Variants in CRYBG1 observed in about 807,000 individuals in gnomAD.
The protein encoded by CRYBG1 is crystallin beta-gamma domain containing 1.
CRYBG1 carries 139 observed loss-of-function variants against 189.2 expected under a neutral mutation model. The observed-to-expected ratio is 0.73, with a 90% CI of 0.64 to 0.85. The LOEUF (loss-of-function observed/expected upper bound fraction) is 0.85, where lower values mean the gene tolerates loss of function less well. Ranked by LOEUF, CRYBG1 falls within the 40% of genes least tolerant of loss-of-function variation. CRYBG1 has a pLI of 0.00. For missense variants in CRYBG1, 2,611 were observed against 2,675.8 expected, an observed-to-expected ratio of 0.98 and a Z score of 0.53; for synonymous variants, 1,023 against 1,017.1, an observed-to-expected ratio of 1.01 and a Z score of -0.11.
chr6:106,511,900 T>A lies in CRYBG1; in HGVS notation c.783T>A (p.Asn261Lys). Reference sequence around the variant, plus strand: ...AGCAGCTGCATTCCTCGCCGGGAAATTCCTCCAGGCAAGAGAACGCAGAGA... The same window carrying A: ...AGCAGCTGCATTCCTCGCCGGGAAAATCCTCCAGGCAAGAGAACGCAGAGA... ...TAKQLHSSPG[N>K]SSRQENAETP... is the part of the protein sequence containing the mutation. The change falls in exon 3 of 22, where the codon AAT becomes AAA. Residue 261 changes from asparagine to lysine, a missense_variant. Around this residue, in one of 3 missense-constraint regions of CRYBG1, gnomAD observed 985 missense variants for 924.4 expected, o/e 1.07. Coordinates refer to ENST00000633556, the MANE Select transcript of CRYBG1 (RefSeq NM_001371242.2). 1 of 1,523,002 alleles carries A rather than the reference T, an allele frequency of 6.6e-7. No homozygotes were observed. The highest frequency in any genetic ancestry group is 1.4e-5 in the African/African-American group (1 of 72,858). 94.3% of individuals were successfully genotyped at this position (1,523,002 alleles called of 1,614,324 possible).
chr6:106,552,145 C>T (rs1374761039), intron 14 of CRYBG1, 39 bp from the exon 15 acceptor site: 1 of 1,546,386 alleles, frequency 6.5e-7, no homozygotes, highest in South Asian at 1.2e-5. Context: ...TGTGTTTGTT[C>T]TATTCATTTC....
At chr6:106,532,174 C>A (rs1286505373) in intron 8 of CRYBG1, among the ~76,000 whole-genome samples, 2 of 152,156 alleles carry the variant, frequency 1.3e-5, no homozygotes, top group African/African-American at 2.4e-5. Context: ...TAAGATCATT[C>A]AGAATCCTCT....
intron 1 of CRYBG1, among the ~76,000 whole-genome samples, chr6:106,369,756 T>C (rs1769978109): frequency 6.6e-6 from 1 of 152,272 alleles, no homozygotes; most frequent in African/African-American, 2.4e-5. Context: ...ATGCACTATG[T>C]ATCAGACACT....
At chr6:106,529,527 C>T (rs1171202540) in intron 7 of CRYBG1, among the ~76,000 whole-genome samples, 2 of 152,222 alleles carry the variant, frequency 1.3e-5, no homozygotes, top group Non-Finnish European at 2.9e-5. Flanking sequence ...TCACCCAACT[C>T]AGCTGCATAG....
Position 106,544,717 on chromosome 6 carries a change from A to T in CRYBG1, c.5166+20A>T, listed in dbSNP as rs2247335. ...TTAGGTGTAAGTAAAGGACAAGCTA[A>T]TGGCTAATACTTGGTCTTCTTTGGA... On this transcript the variant is annotated intron_variant, in intron 12 of 21. Transcript: ENST00000633556. 1,389,928 of 1,609,886 alleles carry T rather than the reference A, an allele frequency of 0.86. 602,436 individuals are homozygous for T. The highest frequency in any genetic ancestry group is 0.94 in the South Asian group (85,140 of 90,516).
chr6:106,429,841 G>A (rs1455895312), intron 1 of CRYBG1, among the ~76,000 whole-genome samples: 2 of 152,170 alleles, frequency 1.3e-5, no homozygotes, highest in Non-Finnish European at 1.5e-5. Flanking sequence ...CAGTGCTGGG[G>A]CTGTAGCAAT....
chr6:106,392,614 G>A (rs1377690335), intron 1 of CRYBG1, among the ~76,000 whole-genome samples: 1 of 152,172 alleles, frequency 6.6e-6, no homozygotes, highest in African/African-American at 2.4e-5. Context: ...ATTAAACAAT[G>A]TGTTTATCTA....
chr6:106,524,422 T>TGGGCCTGGTGGCAC (rs1489465373), intron 4 of CRYBG1, among the ~76,000 whole-genome samples: 15 of 152,060 alleles, frequency 9.9e-5, no homozygotes, highest in Admixed American at 3.3e-4. Context: ...AAAAATTAGC[T>TGGGCCTGGTGGCAC]GGGCCTGGTG....
chr6:106,400,375 T>A (rs1162202987), intron 1 of CRYBG1, among the ~76,000 whole-genome samples: 1 of 152,234 alleles, frequency 6.6e-6, no homozygotes, highest in Non-Finnish European at 1.5e-5. Flanking sequence ...AATGCCCTTT[T>A]TTCTTTATCT....
chr6:106,527,219 T>A, intron 6 of CRYBG1, 86 bp from the exon 7 acceptor site: 5 of 1,117,680 alleles, frequency 4.5e-6, no homozygotes, highest in Middle Eastern at 2.5e-4. Flanking sequence ...TATATATATA[T>A]AAAATGGCAA....
intron 2 of CRYBG1, among the ~76,000 whole-genome samples, chr6:106,468,089 T>C (rs1302184249): frequency 2.0e-5 from 3 of 151,920 alleles, no homozygotes; most frequent in Admixed American, 1.3e-4. Flanking sequence ...AAAAGACAAA[T>C]ATGATACTCA....
intron 3 of CRYBG1, among the ~76,000 whole-genome samples, chr6:106,518,055 A>C (rs1773482444): frequency 6.6e-6 from 1 of 152,240 alleles, no homozygotes; most frequent in South Asian, 2.1e-4. Flanking sequence ...CTTTTCAAAC[A>C]AATTTTTTGG....
At chr6:106,566,485 TTTTTG>T (rs1774892096) in intron 21 of CRYBG1, among the ~76,000 whole-genome samples, 1 of 140,820 alleles carries the variant, frequency 7.1e-6, no homozygotes, top group Admixed American at 7.2e-5. Flanking sequence ...TTTTTTTTTT[TTTTTG>T]AGACGGAGTC....
chr6:106,558,386 C>A, intron 17 of CRYBG1, 100 bp from the exon 18 acceptor site: 2 of 1,035,192 alleles, frequency 1.9e-6, no homozygotes, highest in Non-Finnish European at 2.7e-6. Context: ...CCAAATCTAG[C>A]AGATTTTTTG....
chr6:106,476,124 A>G (rs1582784407), intron 2 of CRYBG1, among the ~76,000 whole-genome samples: 1 of 152,262 alleles, frequency 6.6e-6, no homozygotes, highest in Non-Finnish European at 1.5e-5. Context: ...ATATGGAAGT[A>G]GATAAAGTAT....
chr6:106,520,636 T>G lies in CRYBG1; in HGVS notation c.3428T>G (p.Ile1143Ser), dbSNP rs776895259. ...GCTCCTCACTTTGCCATGCCTCCTA[T>G]TCACGAAGACCATTTAGAAAAGGTG... The part of the protein sequence containing the change: ...SPAPHFAMPP[I>S]HEDHLEKVFD... The change falls in exon 4 of 22, where the codon ATT (isoleucine) becomes AGT (serine). Residue 1143 changes from isoleucine (I) to serine (S), a missense_variant. This residue lies in a region of CRYBG1 where 1,622 missense variants were observed against 1,735.0 expected (regional missense o/e 0.93). Transcript: ENST00000633556. 135 of 1,614,098 alleles carry G rather than the reference T, an allele frequency of 8.4e-5. No homozygotes were observed. Among genetic ancestry groups the G allele is most frequent in the Non-Finnish European group, 1.1e-4 (133 of 1,180,042 alleles).
rs768751652 is a variant in CRYBG1 at position 106,563,925 on chromosome 6, A to AG, written c.6301+1dup. The AG allele has an allele frequency of 6.2e-7, 1 of 1,604,680 alleles. No homozygotes were observed. Among genetic ancestry groups the AG allele is most frequent in the South Asian group, 1.1e-5 (1 of 90,926 alleles). On this transcript the variant is annotated frameshift_variant and splice_region_variant, in exon 21 of 22. Coordinates refer to ENST00000633556, the MANE Select transcript of CRYBG1 (RefSeq NM_001371242.2). LOFTEE classifies it high-confidence loss of function. The stretch of plus-strand genomic sequence containing the variant: ...AGCCAAATTTAGTTTTAGACATTAA[A>AG]GGTAAGGGTCACTTCCTTTATTTTC...
At chr6:106,457,413 A>G (rs1384202670) in intron 2 of CRYBG1, among the ~76,000 whole-genome samples, 1 of 152,208 alleles carries the variant, frequency 6.6e-6, no homozygotes, top group Non-Finnish European at 1.5e-5. Flanking sequence ...CAGAGTCCTC[A>G]TGACCCAATC....
At chr6:106,561,216 A>G (rs1774708252) in intron 19 of CRYBG1, 126 bp from the exon 20 acceptor site, 1 of 1,116,824 alleles carries the variant, frequency 9.0e-7, no homozygotes. Context: ...AAAACCTCTG[A>G]GACTCTTGAG....
Sources: gnomAD v4.1 joint callset for allele counts (sites outside exome capture counted in the v4.1 genomes callset) on GRCh38, gnomAD v4.1.1 for gene constraint, gnomAD v4.1.1 regional missense constraint, MANE v1.5 for transcripts, NCBI Gene and HGNC (gene_info 2026-07-23, HGNC 2026-07-21) for gene names.